Variants in LMNB1 observed in about 807,000 individuals in gnomAD.
The protein encoded by LMNB1 is lamin B1.
LMNB1 carries 23 observed loss-of-function variants against 67.1 expected under a neutral mutation model. The observed-to-expected ratio is 0.34, with a 90% confidence interval of 0.25 to 0.49. LMNB1 has a LOEUF of 0.49. Among genes scored for constraint, LMNB1 ranks in the 20% least tolerant of loss-of-function variants. LMNB1 has a pLI of 0.99. For missense variants in LMNB1, 634 were observed against 746.5 expected, an observed-to-expected ratio of 0.85 and a Z score of 1.76; for synonymous variants, 281 against 282.9, an observed-to-expected ratio of 0.99 and a Z score of 0.07.
intron 1 of LMNB1, among the ~76,000 whole-genome samples, chr5:126,780,424 A>G (rs1284746606): frequency 6.6e-6 from 1 of 152,240 alleles, no homozygotes; most frequent in Non-Finnish European, 1.5e-5. Flanking sequence ...TTTTTCACAC[A>G]GTAACAAGGC....
At chr5:126,804,518 G>A (rs1751367700) in intron 1 of LMNB1, among the ~76,000 whole-genome samples, 1 of 152,086 alleles carries the variant, frequency 6.6e-6, no homozygotes, top group Non-Finnish European at 1.5e-5. Context: ...CTCACTCAAG[G>A]ACAAGCAGGA....
chr5:126,779,158 G>A (rs1750560098), intron 1 of LMNB1, among the ~76,000 whole-genome samples: 1 of 152,096 alleles, frequency 6.6e-6, no homozygotes, highest in South Asian at 2.1e-4. Context: ...CTGAGATTTT[G>A]TGTATTTTTA....
At chr5:126,779,472 C>T (rs187689931) in intron 1 of LMNB1, among the ~76,000 whole-genome samples, 8 of 152,292 alleles carry the variant, frequency 5.3e-5, no homozygotes, top group Admixed American at 4.6e-4. Flanking sequence ...CACTGAATTC[C>T]TTCAAATCTT....
At chr5:126,820,701 T>G (rs946572076) in intron 6 of LMNB1, among the ~76,000 whole-genome samples, 2 of 152,008 alleles carry the variant, frequency 1.3e-5, no homozygotes, top group African/African-American at 4.8e-5. Context: ...AATTTTTGTA[T>G]TTTTAGTAGA....
chr5:126,799,505 A>G (rs1751209691), intron 1 of LMNB1, among the ~76,000 whole-genome samples: 1 of 152,260 alleles, frequency 6.6e-6, no homozygotes, highest in Admixed American at 6.5e-5. Context: ...AGCATCTGCA[A>G]GATAAGTCTT....
At chr5:126,781,597 C>T (rs572013752) in intron 1 of LMNB1, among the ~76,000 whole-genome samples, 52 of 152,012 alleles carry the variant, frequency 3.4e-4, no homozygotes, top group Admixed American at 1.2e-3. Flanking sequence ...CCACCACACC[C>T]GGCTAATTTT....
At chr5:126,808,877 A>AT (rs1315980934) in intron 3 of LMNB1, among the ~76,000 whole-genome samples, 2 of 150,386 alleles carry the variant, frequency 1.3e-5, no homozygotes, top group South Asian at 2.1e-4. Flanking sequence ...CATTCTAATT[A>AT]TTATTTTTTT....
At chr5:126,808,721 G>C (rs986255300) in intron 3 of LMNB1, among the ~76,000 whole-genome samples, 1 of 152,042 alleles carries the variant, frequency 6.6e-6, no homozygotes, top group Admixed American at 6.6e-5. Flanking sequence ...TGATTTTTCT[G>C]ATTTTTCAGA....
intron 1 of LMNB1, among the ~76,000 whole-genome samples, chr5:126,800,575 A>G (rs1006450138): frequency 6.6e-6 from 1 of 150,650 alleles, no homozygotes; most frequent in African/African-American, 2.4e-5. Flanking sequence ...AAGTTTTCAA[A>G]CTGTTTTGCA....
chr5:126,811,202 C>T (rs1380516457), intron 4 of LMNB1, among the ~76,000 whole-genome samples: 1 of 152,222 alleles, frequency 6.6e-6, no homozygotes, highest in Non-Finnish European at 1.5e-5. Flanking sequence ...AAGGATCCGT[C>T]ACAGACTGTG....
At chr5:126,807,111 G>T (rs922057993) in intron 3 of LMNB1, among the ~76,000 whole-genome samples, 1 of 152,136 alleles carries the variant, frequency 6.6e-6, no homozygotes, top group Non-Finnish European at 1.5e-5. Context: ...TCACTTATAA[G>T]CCTTAACTGC....
intron 3 of LMNB1, among the ~76,000 whole-genome samples, chr5:126,806,943 A>G (rs931682439): frequency 1.3e-5 from 2 of 151,954 alleles, no homozygotes; most frequent in African/African-American, 4.8e-5. Flanking sequence ...ACGCCCTGCT[A>G]ATTTTTTGTA....
chr5:126,832,671 A>G, intron 9 of LMNB1, 23 bp from the exon 10 acceptor site: 1 of 1,547,344 alleles, frequency 6.5e-7, no homozygotes, highest in Non-Finnish European at 8.9e-7. Flanking sequence ...GTGTTTTTTA[A>G]CTTAAACTAC....
chr5:126,830,448 AATT>A (rs915637276), intron 9 of LMNB1, among the ~76,000 whole-genome samples: 56 of 152,196 alleles, frequency 3.7e-4, no homozygotes, highest in African/African-American at 1.1e-3. Context: ...TTTGGTTCTA[AATT>A]ATTATTTATT....
intron 1 of LMNB1, among the ~76,000 whole-genome samples, 197 bp downstream of exon 1, chr5:126,778,064 C>G (rs1750519649): frequency 6.6e-6 from 1 of 152,140 alleles, no homozygotes; most frequent in African/African-American, 2.4e-5. Flanking sequence ...GGAGGGGGCT[C>G]GAGCTGTAGC....
At chr5:126,823,428 T>C (rs1751918194) in intron 8 of LMNB1, among the ~76,000 whole-genome samples, 1 of 152,138 alleles carries the variant, frequency 6.6e-6, no homozygotes, top group Non-Finnish European at 1.5e-5. Context: ...TCTGAAATAC[T>C]ACATCTTTAA....
At chr5:126,805,442 G>T in intron 2 of LMNB1, 129 bp from the exon 3 acceptor site, 2 of 641,482 alleles carry the variant, frequency 3.1e-6, no homozygotes, top group South Asian at 2.2e-5. Flanking sequence ...ATGTTAAGAT[G>T]AAGTAATTAT....
chr5:126,820,289 G>A (rs1471658920), intron 6 of LMNB1, among the ~76,000 whole-genome samples: 1 of 152,174 alleles, frequency 6.6e-6, no homozygotes, highest in African/African-American at 2.4e-5. Context: ...CTATAACAGT[G>A]GCTGTGGTGG....
intron 3 of LMNB1, among the ~76,000 whole-genome samples, chr5:126,806,010 A>G (rs1463763106): frequency 6.6e-6 from 1 of 152,182 alleles, no homozygotes; most frequent in African/African-American, 2.4e-5. Context: ...GCTGGAGTAC[A>G]GTGGCACGAT....
Sources: gnomAD v4.1 joint callset for allele counts (sites outside exome capture counted in the v4.1 genomes callset) on GRCh38, gnomAD v4.1.1 for gene constraint, MANE v1.5 for transcripts, NCBI Gene and HGNC (gene_info 2026-07-23, HGNC 2026-07-21) for gene names.